The following NR6A1 variants were observed in gnomAD, a reference collection of about 807,000 sequenced individuals.
NR6A1 encodes nuclear receptor subfamily 6 group A member 1.
Under a neutral mutation model 59.1 loss-of-function variants are expected in NR6A1, and 7 were observed. The ratio of observed to expected loss-of-function variants is 0.12; its 90% confidence interval spans 0.07 to 0.22. NR6A1 has a LOEUF of 0.22. NR6A1 is among the 10% of genes least tolerant of loss of function. NR6A1 has a pLI of 1.00. For synonymous variants in NR6A1, 243 were observed against 236.1 expected (o/e 1.03, Z -0.27); for missense variants, 468 against 611.6 (o/e 0.77, Z 2.48).
intron 2 of NR6A1, among the ~76,000 whole-genome samples, chr9:124,665,240 T>C (rs1487850783): frequency 1.3e-5 from 2 of 151,856 alleles, no homozygotes; most frequent in Non-Finnish European, 2.9e-5. Context: ...TCAGAAATTT[T>C]GGGAATGGTC....
chr9:124,737,504 C>G (rs1840048418), intron 1 of NR6A1, among the ~76,000 whole-genome samples: 2 of 152,188 alleles, frequency 1.3e-5, no homozygotes, highest in South Asian at 4.1e-4. Context: ...GATGTAACCC[C>G]AAATGTACGT....
At chr9:124,598,112 G>A (rs1835329702) in intron 2 of NR6A1, among the ~76,000 whole-genome samples, 1 of 152,174 alleles carries the variant, frequency 6.6e-6, no homozygotes, top group African/African-American at 2.4e-5. Flanking sequence ...ACCTCTCAAA[G>A]TGCTGGGATT....
intron 2 of NR6A1, among the ~76,000 whole-genome samples, chr9:124,561,754 A>T (rs1195730226): frequency 1.3e-5 from 2 of 152,094 alleles, no homozygotes; most frequent in African/African-American, 4.8e-5. Context: ...TCTACTAAAA[A>T]TACAAAAATC....
intron 2 of NR6A1, among the ~76,000 whole-genome samples, chr9:124,573,877 T>C (rs990023357): frequency 6.6e-6 from 1 of 152,192 alleles, no homozygotes; most frequent in South Asian, 2.1e-4. Flanking sequence ...GATAAAACTT[T>C]GGAAGCAAAT....
intron 1 of NR6A1, chr9:124,770,141 G>A (rs1485363319): frequency 6.6e-6 from 1 of 152,294 alleles, no homozygotes; most frequent in African/African-American, 2.4e-5. Context: ...GGAGAACTGA[G>A]ACTAAGAGGT....
At chr9:124,581,189 C>T (rs527705818) in intron 2 of NR6A1, among the ~76,000 whole-genome samples, 1 of 152,128 alleles carries the variant, frequency 6.6e-6, no homozygotes, top group East Asian at 1.9e-4. Flanking sequence ...ACCATCAGTA[C>T]ATGGGAAGAG....
chr9:124,693,921 C>A, intron 2 of NR6A1: 1 of 357,156 alleles, frequency 2.8e-6, no homozygotes. Flanking sequence ...TTGGTTCTAA[C>A]ATGGAGTAAG....
At chr9:124,745,299 T>C (rs1840293094) in intron 1 of NR6A1, among the ~76,000 whole-genome samples, 4 of 152,078 alleles carry the variant, frequency 2.6e-5, no homozygotes, top group Admixed American at 2.6e-4. Flanking sequence ...AGTGATTATC[T>C]CTTAGTATAA....
At chr9:124,611,553 T>C (rs7870859) in intron 2 of NR6A1, among the ~76,000 whole-genome samples, 5,972 of 151,962 alleles carry the variant, frequency 0.039, 341 homozygotes, top group African/African-American at 0.12. Context: ...CTGGGCAATA[T>C]AGTGAGACAC....
At chr9:124,747,941 TTAGCATACATTAA>T (rs1387140090) in intron 1 of NR6A1, among the ~76,000 whole-genome samples, 1 of 152,212 alleles carries the variant, frequency 6.6e-6, no homozygotes, top group Non-Finnish European at 1.5e-5. Flanking sequence ...TTTCAACTTT[TTAGCATACATTAA>T]TAGCACCAAA....
At chr9:124,736,881 G>C (rs1840035159) in intron 1 of NR6A1, among the ~76,000 whole-genome samples, 2 of 152,040 alleles carry the variant, frequency 1.3e-5, no homozygotes, top group South Asian at 2.1e-4. Context: ...GAATATAAAG[G>C]CTTTGCACAG....
chr9:124,769,103 C>T (rs180839281), intron 1 of NR6A1, among the ~76,000 whole-genome samples: 60 of 152,324 alleles, frequency 3.9e-4, no homozygotes, highest in African/African-American at 1.3e-3. Context: ...TCCTATTATA[C>T]TGTCTCCTTC....
intron 2 of NR6A1, among the ~76,000 whole-genome samples, chr9:124,655,993 T>TTA (rs1837247312): frequency 6.6e-6 from 1 of 152,162 alleles, no homozygotes; most frequent in South Asian, 2.1e-4. Context: ...ATCTAACCCC[T>TTA]TATGTTGGTG....
intron 2 of NR6A1, among the ~76,000 whole-genome samples, chr9:124,677,538 C>T (rs1470212723): frequency 6.6e-6 from 1 of 152,006 alleles, no homozygotes; most frequent in Non-Finnish European, 1.5e-5. Context: ...GCTAGGATTA[C>T]AAGCATGAGC....
chr9:124,770,996 G>A, intron 1 of NR6A1, 24 bp downstream of exon 1: 1 of 1,194,592 alleles, frequency 8.4e-7, no homozygotes, highest in Non-Finnish European at 1.0e-6. Flanking sequence ...TGCCTGGCCC[G>A]GGCGTCGCAG....
chr9:124,547,358 G>A (rs1833629370), intron 3 of NR6A1, among the ~76,000 whole-genome samples: 1 of 152,248 alleles, frequency 6.6e-6, no homozygotes, highest in Admixed American at 6.5e-5. Flanking sequence ...TCCTTAGCAT[G>A]GCATTCAAGA....
chr9:124,568,482 CAA>C (rs201368540), intron 2 of NR6A1, among the ~76,000 whole-genome samples: 3 of 107,822 alleles, frequency 2.8e-5, no homozygotes. Context: ...GACTCTGTCT[CAA>C]AAAAAAAAAA....
Position 124,524,736 on chromosome 9 carries a change from T to C in NR6A1, c.1339A>G (p.Ile447Val). The C allele has an allele frequency of 6.2e-7, 1 of 1,613,636 alleles. No individual in the cohort carries two copies. The highest frequency in any genetic ancestry group is 8.5e-7 in the Non-Finnish European group (1 of 1,179,846). Reference protein sequence around the residue: ...FPDLMMCLPEIRYIAGKMVNV... With the variant: ...FPDLMMCLPEVRYIAGKMVNV... ...AGAATGTTACCTGCAATATATCGAATCTCAGGTAAGCACATCATGAGATCA... is the reference window on the plus strand; with the variant it reads ...AGAATGTTACCTGCAATATATCGAACCTCAGGTAAGCACATCATGAGATCA... The change falls in exon 9 of 10, where the codon ATT becomes GTT. Residue 447 changes from isoleucine to valine, a missense_variant. By Grantham distance (29) the Ile-to-Val change is conservative. Transcript: ENST00000487099.
chr9:124,647,078 CTAAT>C (rs1455294217), intron 2 of NR6A1, among the ~76,000 whole-genome samples: 7 of 152,124 alleles, frequency 4.6e-5, no homozygotes, highest in Non-Finnish European at 7.4e-5. Context: ...CCAGAACTGG[CTAAT>C]TATTTTATTT....
Sources: gnomAD v4.1 joint callset for allele counts (sites outside exome capture counted in the v4.1 genomes callset) on GRCh38, gnomAD v4.1.1 for gene constraint, MANE v1.5 for transcripts, NCBI Gene and HGNC (gene_info 2026-07-23, HGNC 2026-07-21) for gene names.